The following PPP3CC variants were observed in gnomAD, a reference collection of about 807,000 sequenced individuals.
PPP3CC encodes the protein serine/threonine-protein phosphatase 2B catalytic subunit gamma isoform.
Under a neutral mutation model 60.3 loss-of-function variants are expected in PPP3CC, and 35 were observed. That is an observed-to-expected ratio of 0.58 (90% CI 0.44 to 0.77). The LOEUF (loss-of-function observed/expected upper bound fraction) is 0.77. Ranked by LOEUF, PPP3CC falls within the 30% of genes least tolerant of loss-of-function variation. The pLI, the probability that PPP3CC is intolerant of heterozygous loss-of-function variation, is 0.00. For missense variants in PPP3CC, 570 were observed against 628.9 expected (o/e 0.91, Z 1.00); for synonymous variants, 206 against 224.3 (o/e 0.92, Z 0.73).
At chr8:22,512,785 AT>A (rs1174860648) in intron 5 of PPP3CC, among the ~76,000 whole-genome samples, 1 of 152,214 alleles carries the variant, frequency 6.6e-6, no homozygotes, top group Non-Finnish European at 1.5e-5. Context: ...GTTTATAAAA[AT>A]TTATTGCAGA....
intron 6 of PPP3CC, among the ~76,000 whole-genome samples, chr8:22,520,532 A>G (rs1263732563): frequency 1.3e-5 from 2 of 151,988 alleles, no homozygotes; most frequent in South Asian, 2.1e-4. Flanking sequence ...CTCTAATGCT[A>G]TCATTTCAAA....
At chr8:22,490,736 G>C (rs1265585691) in intron 3 of PPP3CC, among the ~76,000 whole-genome samples, 1 of 151,778 alleles carries the variant, frequency 6.6e-6, no homozygotes, top group African/African-American at 2.4e-5. Flanking sequence ...AGTTTGCTGA[G>C]AATGATGGTT....
chr8:22,496,493 T>C (rs1838588581), intron 3 of PPP3CC, among the ~76,000 whole-genome samples: 1 of 92,526 alleles, frequency 1.1e-5, no homozygotes, highest in Non-Finnish European at 2.2e-5. Flanking sequence ...ATCTTTTTTT[T>C]TTTTTTTTTT....
At chr8:22,529,607 A>G (rs1586869300) in intron 10 of PPP3CC, among the ~76,000 whole-genome samples, 1 of 151,904 alleles carries the variant, frequency 6.6e-6, no homozygotes, top group African/African-American at 2.4e-5. Flanking sequence ...CCTTAGCCTC[A>G]CGAGTAGCTG....
chr8:22,441,881 A>T (rs959840320), intron 1 of PPP3CC, among the ~76,000 whole-genome samples: 1 of 152,102 alleles, frequency 6.6e-6, no homozygotes, highest in African/African-American at 2.4e-5. Flanking sequence ...GACGTATACC[A>T]TGTGCCTTTT....
At chr8:22,459,127 T>G (rs1235928576) in intron 1 of PPP3CC, among the ~76,000 whole-genome samples, 1 of 152,006 alleles carries the variant, frequency 6.6e-6, no homozygotes, top group African/African-American at 2.4e-5. Flanking sequence ...AGTATAGTGG[T>G]GCAGTCATAG....
chr8:22,540,178 CTTTT>C lies in PPP3CC; in HGVS notation c.1352-432_1352-429del, dbSNP rs897166969. On this transcript the variant is annotated intron_variant, in intron 13 of 13. Transcript: ENST00000240139. ...AACGAAAAGATTAGCTCTTTTGTTA[CTTTT>C]TTTTGTGGTCTATGTGGCCTTTGTG... Among the ~76,000 whole-genome samples, 3 of 151,970 alleles carry C rather than the reference CTTTT, an allele frequency of 2.0e-5. No individual in the cohort carries two copies. The South Asian group carries it at 6.2e-4, about 32-fold the overall frequency.
At chr8:22,457,814 G>C (rs566609371) in intron 1 of PPP3CC, among the ~76,000 whole-genome samples, 2 of 152,322 alleles carry the variant, frequency 1.3e-5, no homozygotes, top group African/African-American at 2.4e-5. Flanking sequence ...TATTTCGGCC[G>C]GGCGCAGTGG....
chr8:22,457,026 TTCCTCCC>T (rs1837218421), intron 1 of PPP3CC, among the ~76,000 whole-genome samples: 1 of 66,824 alleles, frequency 1.5e-5, no homozygotes, highest in African/African-American at 6.7e-5. Context: ...CCTTCCTCCC[TTCCTCCC>T]TTCCTCCCTC....
intron 1 of PPP3CC, among the ~76,000 whole-genome samples, chr8:22,468,088 A>G (rs1408228339): frequency 6.6e-6 from 1 of 152,174 alleles, no homozygotes; most frequent in Non-Finnish European, 1.5e-5. Flanking sequence ...ATGTTGAATC[A>G]GAAGTTTCTA....
intron 3 of PPP3CC, among the ~76,000 whole-genome samples, chr8:22,478,242 C>T (rs1166058755): frequency 6.6e-6 from 1 of 152,034 alleles, no homozygotes; most frequent in African/African-American, 2.4e-5. Context: ...ACCTATGCCT[C>T]CTGGGTTTTA....
Position 22,513,142 on chromosome 8 carries a change from C to A in PPP3CC, c.631-151C>A, listed in dbSNP as rs372811253. On this transcript the variant is annotated intron_variant, in intron 5 of 13. Coordinates refer to ENST00000240139, the MANE Select transcript of PPP3CC (RefSeq NM_005605.5). Reference sequence around the variant, plus strand: ...ATGTATCTAAAATTGTTAAGTGTTCCTTTTCTTGCAGGAAAGTCCTTTAGG... The same window carrying A: ...ATGTATCTAAAATTGTTAAGTGTTCATTTTCTTGCAGGAAAGTCCTTTAGG... 48 of 559,098 alleles carry A rather than the reference C, an allele frequency of 8.6e-5. No homozygotes were observed. The African/African-American group carries it at 8.9e-4, about 10-fold the overall frequency. The allele number at this position is 559,098 out of a possible 1,614,324, so 34.6% of individuals were successfully genotyped here.
At chr8:22,536,537 C>A (rs1055915641) in intron 12 of PPP3CC, among the ~76,000 whole-genome samples, 1 of 152,216 alleles carries the variant, frequency 6.6e-6, no homozygotes, top group African/African-American at 2.4e-5. Flanking sequence ...CTTTTGGGCT[C>A]AGCCCCAAAG....
Position 22,511,116 on chromosome 8 carries a change from A to G in PPP3CC, c.515A>G (p.Asp172Gly), listed in dbSNP as rs1839074156. ...CRIKYSEQVYDACMETFDCLP... is the reference protein window; with the variant it reads ...CRIKYSEQVYGACMETFDCLP... The stretch of plus-strand genomic sequence containing the variant: ...ATCAAATATTCGGAACAGGTGTATG[A>G]TGCCTGTATGGAGACATTTGACTGT... Residue 172 changes from aspartate (D) to glycine (G), a missense_variant, in exon 5 of 14, where the codon GAT (aspartate) becomes GGT (glycine). Physicochemically the swap from Asp to Gly is moderately conservative, Grantham distance 94 (BLOSUM62 -1). Coordinates refer to ENST00000240139, the MANE Select transcript of PPP3CC (RefSeq NM_005605.5). 1 of 1,614,098 alleles carries G rather than the reference A, an allele frequency of 6.2e-7. No individual in the cohort carries two copies. Among genetic ancestry groups the G allele is most frequent in the Non-Finnish European group, 8.5e-7 (1 of 1,179,994 alleles).
At chr8:22,537,891 G>A (rs1052543160) in intron 12 of PPP3CC, among the ~76,000 whole-genome samples, 1 of 152,184 alleles carries the variant, frequency 6.6e-6, no homozygotes, top group African/African-American at 2.4e-5. Flanking sequence ...AGGATTAAGG[G>A]GAAGAGGTGA....
intron 1 of PPP3CC, among the ~76,000 whole-genome samples, chr8:22,468,057 A>T (rs895146764): frequency 2.0e-5 from 3 of 152,224 alleles, no homozygotes; most frequent in Non-Finnish European, 4.4e-5. Flanking sequence ...GGAACATTCA[A>T]ATCATAGCAG....
intron 12 of PPP3CC, among the ~76,000 whole-genome samples, chr8:22,537,405 A>G (rs1839867870): frequency 1.3e-5 from 2 of 152,242 alleles, no homozygotes; most frequent in Non-Finnish European, 2.9e-5. Context: ...GCAGTTAATA[A>G]GAAGTGTTGA....
intron 1 of PPP3CC, among the ~76,000 whole-genome samples, chr8:22,448,046 G>C (rs961605713): frequency 2.0e-5 from 3 of 152,194 alleles, no homozygotes; most frequent in African/African-American, 7.2e-5. Context: ...AGAAATATTT[G>C]AAGAATTCAT....
intron 3 of PPP3CC, among the ~76,000 whole-genome samples, 175 bp from the exon 4 acceptor site, chr8:22,497,826 A>C (rs1346485728): frequency 6.6e-6 from 1 of 152,224 alleles, no homozygotes; most frequent in Non-Finnish European, 1.5e-5. Flanking sequence ...AGAGATTTCT[A>C]TGAAGGCTTG....
Sources: allele counts gnomAD v4.1 joint callset (sites outside exome capture counted in the v4.1 genomes callset), GRCh38; gene constraint gnomAD v4.1.1; transcripts MANE v1.5; gene names NCBI Gene and HGNC (gene_info 2026-07-23, HGNC 2026-07-21).